Variants in CDR2L observed in about 807,000 individuals in gnomAD.
The protein encoded by CDR2L is cerebellar degeneration related protein 2 like, also known as cerebellar degeneration-related protein 2-like.
Under a neutral mutation model 36.1 loss-of-function variants are expected in CDR2L, and 19 were observed. That is an observed-to-expected ratio of 0.53 (90% CI 0.37 to 0.77). CDR2L has a LOEUF of 0.77. Ranked by LOEUF, CDR2L falls within the 30% of genes least tolerant of loss-of-function variation. The probability of loss-of-function intolerance (pLI) is 0.00; values close to 1 mark genes in which losing one functional copy is unlikely to be tolerated. For missense variants in CDR2L, 575 were observed against 627.2 expected (o/e 0.92, Z 0.89); for synonymous variants, 285 against 280.4 (o/e 1.02, Z -0.16).
At chr17:74,991,610 G>A (rs376186898) in intron 1 of CDR2L, among the ~76,000 whole-genome samples, 4 of 151,874 alleles carry the variant, frequency 2.6e-5, no homozygotes, top group Non-Finnish European at 2.9e-5. Context: ...CCAGCTACTC[G>A]GGAGGCTGAT....
At chr17:74,997,367 C>T (rs796069183) in intron 1 of CDR2L, among the ~76,000 whole-genome samples, 48 of 152,146 alleles carry the variant, frequency 3.2e-4, no homozygotes, top group African/African-American at 1.1e-3. Context: ...CGTGAGCCAC[C>T]GCACCCAGCC....
At position 74,994,666 on chromosome 17, in the gene CDR2L, T is replaced by G. The variant is rs577757769; in HGVS notation, c.80-4838T>G. ...GCTTTGTCTCACTGGAATGCAGTGT[T>G]GCAATCATAGATGACTCTAATCTGA... On this transcript the variant is annotated intron_variant, in intron 1 of 4. Transcript: ENST00000337231. 1.2e-4 allele frequency among the ~76,000 whole-genome samples: 18 copies of G among 152,294 alleles called. 1 individual carries two copies. The highest frequency in any genetic ancestry group is 7.2e-4 in the Admixed American group (11 of 15,286).
chr17:75,005,163 G>GCTCC lies in CDR2L; in HGVS notation c.*1103_*1106dup, dbSNP rs1311997476. On this transcript the variant is annotated 3_prime_UTR_variant, in exon 5 of 5. Transcript: ENST00000337231. The surrounding 1 kb of genome is among the most constrained non-coding windows in gnomAD (Gnocchi z 4.2). ...GTATTGGGATGGGGCTGAGGAACAT[G>GCTCC]CTCCCTCCCTCCCTCCCATAAAATG... 1.3e-5 allele frequency: 2 copies of GCTCC among 152,424 alleles called. No individual in the cohort carries two copies. The highest frequency in any genetic ancestry group is 2.1e-4 in the South Asian group (1 of 4,818). 9.4% of individuals were successfully genotyped at this position (152,424 alleles called of 1,614,324 possible).
intron 3 of CDR2L, among the ~76,000 whole-genome samples, chr17:75,001,748 A>G (rs1175850487): frequency 1.3e-5 from 2 of 152,186 alleles, no homozygotes; most frequent in Non-Finnish European, 2.9e-5. Context: ...CCTGCCCTCT[A>G]ATACCTCACA....
rs1032087076 is a variant in CDR2L at position 75,001,606 on chromosome 17, T to C, written c.341+117T>C. On this transcript the variant is annotated intron_variant, in intron 3 of 4. Transcript: ENST00000337231. ...TGCACGTCTCCCTAGGAACCGGGGA[T>C]GGGAGTGAGCTTGTCCTTGTCGATT... 1.1e-5 allele frequency: 11 copies of C among 978,420 alleles called. No individual in the cohort carries two copies. In the African/African-American group the frequency reaches 1.6e-4, roughly 15 times the overall value. The allele number at this position is 978,420 out of a possible 1,614,324, so 60.6% of individuals were successfully genotyped here.
chr17:74,992,032 T>C (rs1167718915), intron 1 of CDR2L, among the ~76,000 whole-genome samples: 1 of 152,184 alleles, frequency 6.6e-6, no homozygotes, highest in African/African-American at 2.4e-5. Flanking sequence ...CTGACAGTCG[T>C]GCCCTGGAGC....
rs747510876 is a variant in CDR2L, at chr17:75,003,524, C to T, written c.848C>T (p.Pro283Leu). Reference sequence around the variant, plus strand: ...CTGCTCGCACCCCTCACGCAGGCCCCTGAGGCCGACGATCCCCAGCCCGGC... The same window carrying T: ...CTGCTCGCACCCCTCACGCAGGCCCTTGAGGCCGACGATCCCCAGCCCGGC... ...EALLAPLTQA[P>L]EADDPQPGRG... Residue 283 changes from proline to leucine, a missense_variant, in exon 5 of 5, where the codon CCT becomes CTT. Transcript: ENST00000337231. 1 of 1,521,930 alleles carries T rather than the reference C, an allele frequency of 6.6e-7. No individual in the cohort carries two copies. Among genetic ancestry groups the T allele is most frequent in the Admixed American group, 2.2e-5 (1 of 46,352 alleles). The allele number at this position is 1,521,930 out of a possible 1,614,324, so 94.3% of individuals were successfully genotyped here.
intron 1 of CDR2L, among the ~76,000 whole-genome samples, chr17:74,990,680 G>A (rs567230549): frequency 6.6e-6 from 1 of 152,364 alleles, no homozygotes; most frequent in African/African-American, 2.4e-5. Flanking sequence ...TGGAAAATAG[G>A]GAGGGAGGGG....
chr17:74,999,512 C>A lies in CDR2L; in HGVS notation c.88C>A (p.Leu30Ile). The change falls in exon 2 of 5, where the codon CTA becomes ATA. Residue 30 changes from leucine (L) to isoleucine (I), a missense_variant. Coordinates refer to ENST00000337231, the MANE Select transcript of CDR2L (RefSeq NM_014603.3). The part of the protein sequence containing the change: ...DQQDLEQDLH[L>I]AAELGKTLLE... ...TGTTTCTCCTATCCTAGACTTGCACCTAGCTGCGGAGCTGGGGAAGACTCT... is the reference window on the plus strand; with the variant it reads ...TGTTTCTCCTATCCTAGACTTGCACATAGCTGCGGAGCTGGGGAAGACTCT... 3 of 1,570,780 alleles carry A rather than the reference C, an allele frequency of 1.9e-6. No individual in the cohort carries two copies. Among genetic ancestry groups the A allele is most frequent in the East Asian group, 2.3e-5 (1 of 42,678 alleles).
chr17:74,988,252 A>G (rs1048058656), intron 1 of CDR2L, 130 bp downstream of exon 1: 1 of 547,046 alleles, frequency 1.8e-6, no homozygotes, highest in Non-Finnish European at 3.1e-6. Context: ...CGGAGGAGGG[A>G]CGCGTCTGGA....
At chr17:74,991,901 C>T (rs1385464709) in intron 1 of CDR2L, among the ~76,000 whole-genome samples, 2 of 152,116 alleles carry the variant, frequency 1.3e-5, no homozygotes, top group African/African-American at 2.4e-5. Flanking sequence ...TCCCCGCCTG[C>T]CTAGCTGACC....
In CDR2L at chr17:75,003,677, ACGCGGGCAACC is replaced by A. The variant is rs2039883546; in HGVS notation, c.1002_1012del (p.Ala335HisfsTer67). The A allele has an allele frequency of 1.0e-5, 15 of 1,460,040 alleles. No individual in the cohort carries two copies. Among genetic ancestry groups the A allele is most frequent in the Admixed American group, 2.8e-5 (1 of 36,290 alleles). The allele number at this position is 1,460,040 out of a possible 1,614,324, so 90.4% of individuals were successfully genotyped here. A position where few individuals can be genotyped will look rare whatever the true frequency, so the allele number is the denominator to read the frequency against. On this transcript the variant is annotated frameshift_variant, in exon 5 of 5. Transcript: ENST00000337231. LOFTEE classifies it high-confidence loss of function. ...GTGGCCAAAGACCCAGCCAGCCGGC[ACGCGGGCAACC>A]TCACACTGCACGCCAACAGCGTGCG...
At chr17:74,997,357 C>T (rs975348470) in intron 1 of CDR2L, among the ~76,000 whole-genome samples, 8 of 152,058 alleles carry the variant, frequency 5.3e-5, no homozygotes, top group Non-Finnish European at 8.8e-5. Flanking sequence ...GGGATTACGG[C>T]GTGAGCCACC....
Position 75,005,418 on chromosome 17 carries a change from C to A in CDR2L, c.*1344C>A, listed in dbSNP as rs1304442895. ...GGCGGGGGGGCCCTGGCCTCTGCAC[C>A]GGGATCCCAGTGGGAACCTTCATGC... On this transcript the variant is annotated 3_prime_UTR_variant, in exon 5 of 5. Coordinates refer to ENST00000337231, the MANE Select transcript of CDR2L (RefSeq NM_014603.3). This position sits in a 1 kb window ranked among gnomAD's most constrained non-coding sequence, Gnocchi z 4.2. The A allele has an allele frequency of 6.5e-6, 1 of 152,740 alleles. No homozygotes were observed. Among genetic ancestry groups the A allele is most frequent in the Non-Finnish European group, 1.5e-5 (1 of 68,138 alleles). The allele number at this position is 152,740 out of a possible 1,614,324, so 9.5% of individuals were successfully genotyped here.
At chr17:74,994,687 T>C (rs1336017600) in intron 1 of CDR2L, among the ~76,000 whole-genome samples, 1 of 152,150 alleles carries the variant, frequency 6.6e-6, no homozygotes, top group African/African-American at 2.4e-5. Context: ...ATGACTCTAA[T>C]CTGAAACTCC....
chr17:74,995,976 TTA>T (rs983382395), intron 1 of CDR2L, among the ~76,000 whole-genome samples: 1 of 152,016 alleles, frequency 6.6e-6, no homozygotes, highest in African/African-American at 2.4e-5. Flanking sequence ...CGTCTCTGGA[TTA>T]AGCTGCCTAA....
At chr17:74,996,424 A>G (rs2039826006) in intron 1 of CDR2L, among the ~76,000 whole-genome samples, 4 of 146,132 alleles carry the variant, frequency 2.7e-5, no homozygotes. Flanking sequence ...AGCCTGGGAG[A>G]CAAAGCGAGA....
chr17:75,000,636 C>G (rs1460941546), intron 2 of CDR2L, among the ~76,000 whole-genome samples: 1 of 148,520 alleles, frequency 6.7e-6, no homozygotes, highest in Non-Finnish European at 1.5e-5. Flanking sequence ...AAAAAAAGGC[C>G]GGGCACAGTG....
At chr17:74,991,825 G>A (rs890629831) in intron 1 of CDR2L, among the ~76,000 whole-genome samples, 5 of 152,152 alleles carry the variant, frequency 3.3e-5, no homozygotes, top group African/African-American at 9.7e-5. Flanking sequence ...GGCCCTGTGC[G>A]TTCCTCTTTC....
Sources: gnomAD v4.1 joint callset for allele counts (sites outside exome capture counted in the v4.1 genomes callset) on GRCh38, gnomAD v4.1.1 for gene constraint, Gnocchi (gnomAD v3.1) non-coding constraint, MANE v1.5 for transcripts, NCBI Gene and HGNC (gene_info 2026-07-23, HGNC 2026-07-21) for gene names.